Variants in CNTN4 observed in about 807,000 individuals in gnomAD.
The protein encoded by CNTN4 is contactin-4.
A neutral mutation model predicts 122.5 loss-of-function variants in CNTN4; 77 were observed. That is an observed-to-expected ratio of 0.63 (90% confidence interval 0.52 to 0.76). The LOEUF (loss-of-function observed/expected upper bound fraction) is 0.76, where lower values mean the gene tolerates loss of function less well. CNTN4 is among the 30% of genes least tolerant of loss of function. CNTN4 has a pLI of 0.00. For missense variants in CNTN4, 1,256 were observed against 1,259.1 expected (o/e 1.00, Z 0.04); for synonymous variants, 512 against 447.0 (o/e 1.15, Z -1.83).
chr3:2,345,073 C>CAAT, intron 3 of CNTN4, among the ~76,000 whole-genome samples: 1 of 152,252 alleles, frequency 6.6e-6, no homozygotes, highest in South Asian at 2.1e-4. Flanking sequence ...GGTAACATTA[C>CAAT]CTGTGCTGAG....
chr3:2,881,831 A>C (rs1353040270), intron 8 of CNTN4, among the ~76,000 whole-genome samples: 16 of 151,652 alleles, frequency 1.1e-4, no homozygotes, highest in Admixed American at 1.1e-3. Context: ...TCCCCCATCC[A>C]TTTTTTGTCT....
At chr3:2,571,614 A>T in intron 4 of CNTN4, 56 bp downstream of exon 4, 2 of 1,288,110 alleles carry the variant, frequency 1.6e-6, no homozygotes. Context: ...TTTCACACTA[A>T]TTCAAAAGTG....
intron 18 of CNTN4, among the ~76,000 whole-genome samples, 173 bp from the exon 19 acceptor site, chr3:3,038,760 A>T (rs1699862066): frequency 6.6e-6 from 1 of 150,982 alleles, no homozygotes; most frequent in Admixed American, 6.6e-5. Context: ...GGTACATTTC[A>T]CTTCCTCGAG....
intron 2 of CNTN4, among the ~76,000 whole-genome samples, chr3:2,129,578 T>C (rs1420134115): frequency 6.6e-6 from 1 of 152,052 alleles, no homozygotes. Context: ...ATGTTTCTAC[T>C]TACTTAAAAA....
chr3:3,009,830 C>T (rs1271304075), intron 14 of CNTN4, among the ~76,000 whole-genome samples: 1 of 152,144 alleles, frequency 6.6e-6, no homozygotes, highest in Non-Finnish European at 1.5e-5. Flanking sequence ...AAGAGTGTGG[C>T]ACGAAAAAGC....
intron 2 of CNTN4, among the ~76,000 whole-genome samples, chr3:2,133,887 A>G (rs2125294231): frequency 6.6e-6 from 1 of 152,274 alleles, no homozygotes; most frequent in East Asian, 1.9e-4. Context: ...ATTAGATTTA[A>G]AGCTCTATTG....
chr3:2,704,356 A>G (rs1265610738), intron 4 of CNTN4, among the ~76,000 whole-genome samples: 1 of 151,504 alleles, frequency 6.6e-6, no homozygotes, highest in Non-Finnish European at 1.5e-5. Context: ...TATACATAAT[A>G]CCATTTCAAG....
rs953752393 is a variant in CNTN4, at chr3:2,213,596, G to A, written c.-145+112957G>A. Among the ~76,000 whole-genome samples, 3 of 152,162 alleles carry A rather than the reference G, an allele frequency of 2.0e-5. No individual in the cohort carries two copies. The East Asian group carries it at 5.8e-4, about 29-fold the overall frequency. On this transcript the variant is annotated intron_variant, in intron 2 of 24. Coordinates refer to ENST00000418658, the MANE Select transcript of CNTN4 (RefSeq NM_175607.3). The stretch of plus-strand genomic sequence containing the variant: ...TCAAGTTGCCAGAGTCTCAAATGTA[G>A]CATATGCAGAGTGCAGGGTAAGGGT...
At chr3:2,731,820 G>C (rs1323365514) in intron 4 of CNTN4, among the ~76,000 whole-genome samples, 1 of 152,164 alleles carries the variant, frequency 6.6e-6, no homozygotes, top group East Asian at 1.9e-4. Flanking sequence ...TAAATGCTAT[G>C]TATACAAATG....
intron 4 of CNTN4, among the ~76,000 whole-genome samples, chr3:2,620,225 G>T (rs1441177940): frequency 1.3e-5 from 2 of 152,152 alleles, no homozygotes; most frequent in African/African-American, 4.8e-5. Context: ...TCAGGCTGGA[G>T]GCAGGGGCTC....
At chr3:2,981,666 A>AT (rs1209946495) in intron 13 of CNTN4, among the ~76,000 whole-genome samples, 1 of 152,226 alleles carries the variant, frequency 6.6e-6, no homozygotes, top group Non-Finnish European at 1.5e-5. Context: ...ATTGAGTTGC[A>AT]TTTCAAATTT....
intron 4 of CNTN4, among the ~76,000 whole-genome samples, chr3:2,723,449 A>G (rs569053514): frequency 6.6e-6 from 1 of 152,206 alleles, no homozygotes; most frequent in Non-Finnish European, 1.5e-5. Flanking sequence ...TGGAGAGTCT[A>G]AAATCAAAGT....
At chr3:2,590,621 C>T (rs146524366) in intron 4 of CNTN4, among the ~76,000 whole-genome samples, 1 of 151,996 alleles carries the variant, frequency 6.6e-6, no homozygotes, top group African/African-American at 2.4e-5. Flanking sequence ...CTAACCTCAT[C>T]TCATACAACT....
intron 2 of CNTN4, among the ~76,000 whole-genome samples, chr3:2,305,398 T>C (rs997333805): frequency 6.6e-6 from 1 of 152,208 alleles, no homozygotes; most frequent in Non-Finnish European, 1.5e-5. Context: ...TTTATTGTTT[T>C]TTTGGTTGAT....
At chr3:2,802,911 C>T (rs1293248358) in intron 6 of CNTN4, among the ~76,000 whole-genome samples, 5 of 152,140 alleles carry the variant, frequency 3.3e-5, no homozygotes, top group South Asian at 4.1e-4. Flanking sequence ...AGGATAAAGA[C>T]GAGTTTCTTA....
At chr3:2,487,466 A>G (rs938121933) in intron 3 of CNTN4, among the ~76,000 whole-genome samples, 2 of 152,182 alleles carry the variant, frequency 1.3e-5, no homozygotes, top group Non-Finnish European at 2.9e-5. Flanking sequence ...CCACCCCACA[A>G]CAATTATTTG....
chr3:2,233,453 T>C (rs1412802966), intron 2 of CNTN4, among the ~76,000 whole-genome samples: 1 of 152,206 alleles, frequency 6.6e-6, no homozygotes, highest in Non-Finnish European at 1.5e-5. Flanking sequence ...GTTAGGGCTA[T>C]ATGCATTGAT....
intron 13 of CNTN4, among the ~76,000 whole-genome samples, chr3:2,933,110 C>A (rs960137922): frequency 6.6e-6 from 1 of 152,112 alleles, no homozygotes; most frequent in Non-Finnish European, 1.5e-5. Flanking sequence ...GTGTGAGCCA[C>A]CGCGCCCGGC....
chr3:2,805,848 C>T (rs2092453967), intron 6 of CNTN4, among the ~76,000 whole-genome samples: 1 of 152,064 alleles, frequency 6.6e-6, no homozygotes, highest in Non-Finnish European at 1.5e-5. Flanking sequence ...TCACCGCCAG[C>T]AAAAAGTACA....
Sources: gnomAD v4.1 joint callset for allele counts (sites outside exome capture counted in the v4.1 genomes callset) on GRCh38, gnomAD v4.1.1 for gene constraint, MANE v1.5 for transcripts, NCBI Gene and HGNC (gene_info 2026-07-23, HGNC 2026-07-21) for gene names.